Variants in UBE2L3 observed in about 807,000 individuals in gnomAD.
The protein encoded by UBE2L3 is ubiquitin-conjugating enzyme E2 L3.
In UBE2L3, 1 loss-of-function variant was observed where a neutral mutation model predicts 17.8. The observed-to-expected ratio is 0.06, with a 90% confidence interval of 0.02 to 0.27. UBE2L3 has a LOEUF of 0.27. UBE2L3 is among the 10% of genes least tolerant of loss of function. UBE2L3 has a pLI of 1.00. For synonymous variants in UBE2L3, 44 were observed against 68.5 expected (o/e 0.64, Z 1.76); for missense variants, 40 against 192.6 (o/e 0.21, Z 4.69).
At chr22:21,587,773 A>G (rs1375139052) in intron 1 of UBE2L3, among the ~76,000 whole-genome samples, 2 of 152,180 alleles carry the variant, frequency 1.3e-5, no homozygotes, top group African/African-American at 4.8e-5. Context: ...AAAGCTGTTA[A>G]GTAACCATCC....
chr22:21,591,258 G>T (rs536227574), intron 1 of UBE2L3, among the ~76,000 whole-genome samples: 1 of 152,158 alleles, frequency 6.6e-6, no homozygotes, highest in Non-Finnish European at 1.5e-5. Context: ...ATCCATCATC[G>T]CTCCCAGCAG....
At chr22:21,607,936 A>G (rs1929263546) in intron 2 of UBE2L3, among the ~76,000 whole-genome samples, 1 of 152,218 alleles carries the variant, frequency 6.6e-6, no homozygotes, top group African/African-American at 2.4e-5. Flanking sequence ...TCTAGTACTC[A>G]CAGTGTATTC....
chr22:21,559,056 T>C (rs1018558742), intron 1 of UBE2L3, among the ~76,000 whole-genome samples: 3 of 151,216 alleles, frequency 2.0e-5, no homozygotes, highest in Admixed American at 6.6e-5. Flanking sequence ...ACCTATGAAA[T>C]AAAAGTGAAG....
intron 1 of UBE2L3, among the ~76,000 whole-genome samples, chr22:21,591,231 T>G (rs1464372396): frequency 2.0e-5 from 3 of 152,166 alleles, no homozygotes; most frequent in African/African-American, 4.8e-5. Context: ...CGCTAACGCC[T>G]CCTCAGGGAG....
intron 1 of UBE2L3, among the ~76,000 whole-genome samples, chr22:21,580,327 C>G (rs1392465426): frequency 6.6e-6 from 1 of 152,244 alleles, no homozygotes; most frequent in African/African-American, 2.4e-5. Context: ...CATCTCAGGA[C>G]TATGAATTGT....
At chr22:21,562,358 C>T (rs1402394265) in intron 1 of UBE2L3, among the ~76,000 whole-genome samples, 2 of 147,050 alleles carry the variant, frequency 1.4e-5, no homozygotes, top group Non-Finnish European at 3.0e-5. Flanking sequence ...CTGCACCCGG[C>T]TAATTTTTTC....
intron 3 of UBE2L3, among the ~76,000 whole-genome samples, chr22:21,615,541 C>T (rs1157764516): frequency 1.4e-5 from 2 of 144,868 alleles, no homozygotes; most frequent in Non-Finnish European, 3.0e-5. Context: ...GGCGACAGAG[C>T]AAGACTCCGT....
At chr22:21,604,728 C>G (rs1929056699) in intron 2 of UBE2L3, among the ~76,000 whole-genome samples, 1 of 152,090 alleles carries the variant, frequency 6.6e-6, no homozygotes, top group African/African-American at 2.4e-5. Flanking sequence ...GAAGGTATAT[C>G]TTATGTTTTA....
intron 1 of UBE2L3, among the ~76,000 whole-genome samples, chr22:21,592,600 T>C (rs1928323259): frequency 6.6e-6 from 1 of 152,062 alleles, no homozygotes. Flanking sequence ...GAAGCATGGT[T>C]CCCCCTGTCC....
At chr22:21,605,745 A>T (rs569489745) in intron 2 of UBE2L3, among the ~76,000 whole-genome samples, 1 of 152,316 alleles carries the variant, frequency 6.6e-6, no homozygotes, top group South Asian at 2.1e-4. Flanking sequence ...GCCTCAAGTG[A>T]TCTGCACATT....
chr22:21,590,885 A>G (rs1408063454), intron 1 of UBE2L3, among the ~76,000 whole-genome samples: 2 of 152,196 alleles, frequency 1.3e-5, no homozygotes, highest in African/African-American at 2.4e-5. Context: ...CAACCTGGTC[A>G]TTAAGCACAT....
intron 1 of UBE2L3, among the ~76,000 whole-genome samples, chr22:21,586,230 C>T (rs984645052): frequency 1.9e-4 from 29 of 152,072 alleles, no homozygotes; most frequent in Admixed American, 5.2e-4. Flanking sequence ...TGTGAGCCAC[C>T]GCCCCTGGCT....
At chr22:21,579,939 A>T (rs1568974186) in intron 1 of UBE2L3, among the ~76,000 whole-genome samples, 1 of 152,240 alleles carries the variant, frequency 6.6e-6, no homozygotes, top group Non-Finnish European at 1.5e-5. Context: ...GTCCAGCTCC[A>T]TCTGCCAGGT....
At chr22:21,595,720 A>G (rs544561430) in intron 2 of UBE2L3, among the ~76,000 whole-genome samples, 1 of 152,330 alleles carries the variant, frequency 6.6e-6, no homozygotes, top group African/African-American at 2.4e-5. Context: ...AATATTACCC[A>G]TAATCACATC....
In UBE2L3 at chr22:21,600,653, G is replaced by A. The variant is rs1168540951; in HGVS notation, c.123+7697G>A. 2.6e-5 allele frequency among the ~76,000 whole-genome samples: 4 copies of A among 152,094 alleles called. No individual in the cohort carries two copies. The South Asian group carries it at 6.2e-4, about 24-fold the overall frequency. On this transcript the variant is annotated intron_variant, in intron 2 of 3. Transcript: ENST00000342192. Reference sequence around the variant, plus strand: ...GGAGGCCGCAGTGAGCCAAGATCGCGCCACTGCACTCCAGCCTGGGCGACA... The same window carrying A: ...GGAGGCCGCAGTGAGCCAAGATCGCACCACTGCACTCCAGCCTGGGCGACA...
intron 3 of UBE2L3, among the ~76,000 whole-genome samples, chr22:21,615,778 C>T (rs374857151): frequency 6.6e-6 from 1 of 152,198 alleles, no homozygotes; most frequent in African/African-American, 2.4e-5. Flanking sequence ...TGAAGTACCC[C>T]ATGCACGTGT....
chr22:21,601,985 A>T (rs1284451807), intron 2 of UBE2L3, among the ~76,000 whole-genome samples: 1 of 145,874 alleles, frequency 6.9e-6, no homozygotes. Flanking sequence ...AAAAAAAAAA[A>T]GACAAACCAG....
intron 3 of UBE2L3, among the ~76,000 whole-genome samples, chr22:21,613,032 G>A (rs1267360908): frequency 6.6e-6 from 1 of 152,176 alleles, no homozygotes; most frequent in Non-Finnish European, 1.5e-5. Context: ...TCCTTGCCGA[G>A]TCATGTCTGT....
intron 1 of UBE2L3, among the ~76,000 whole-genome samples, chr22:21,552,825 G>A (rs1340979972): frequency 6.4e-5 from 8 of 124,076 alleles, no homozygotes; most frequent in East Asian, 4.5e-4. Flanking sequence ...CTGAGTTCAC[G>A]CCATTCTCCT....
Sources: gnomAD v4.1 joint callset for allele counts (sites outside exome capture counted in the v4.1 genomes callset) on GRCh38, gnomAD v4.1.1 for gene constraint, MANE v1.5 for transcripts, NCBI Gene and HGNC (gene_info 2026-07-23, HGNC 2026-07-21) for gene names.